Variants in YIPF7 observed in about 807,000 individuals in gnomAD.
The protein encoded by YIPF7 is protein YIPF7.
A neutral mutation model predicts 27.2 loss-of-function variants in YIPF7; 35 were observed. That is an observed-to-expected ratio of 1.29 (90% CI 0.98 to 1.70). YIPF7 has a LOEUF of 1.70. Ranked by LOEUF, YIPF7 falls within the 40% of genes most tolerant of loss-of-function variation. YIPF7 has a pLI of 0.00. For missense variants in YIPF7, 358 were observed against 303.7 expected, an observed-to-expected ratio of 1.18 and a Z score of -1.33; for synonymous variants, 137 against 110.4, an observed-to-expected ratio of 1.24 and a Z score of -1.51.
chr4:44,658,696 C>T (rs1221871529), intron 2 of YIPF7, among the ~76,000 whole-genome samples: 2 of 152,102 alleles, frequency 1.3e-5, no homozygotes, highest in Non-Finnish European at 2.9e-5. Flanking sequence ...AAGGCATACC[C>T]GAGACTGGGT....
At position 44,631,850 on chromosome 4, in the gene YIPF7, C is replaced by T. The variant is rs778972411; in HGVS notation, c.281-2302G>A. 3.9e-5 allele frequency among the ~76,000 whole-genome samples: 6 copies of T among 152,002 alleles called. 1 individual carries two copies. Among genetic ancestry groups the T allele is most frequent in the Non-Finnish European group, 7.4e-5 (5 of 67,982 alleles). On this transcript the variant is annotated intron_variant, in intron 3 of 5. Coordinates refer to ENST00000415895, the MANE Select transcript of YIPF7 (RefSeq NM_182592.3). The stretch of plus-strand genomic sequence containing the variant: ...ATTAATTTCACCAGAAATTTATGCG[C>T]TCAAACTTTATTTTTTAATTTTGGC...
intron 3 of YIPF7, among the ~76,000 whole-genome samples, chr4:44,634,397 G>C (rs750089340): frequency 6.6e-6 from 1 of 152,006 alleles, no homozygotes; most frequent in Non-Finnish European, 1.5e-5. Flanking sequence ...GCCATGCACG[G>C]TGGTGTGCAC....
At chr4:44,648,820 A>G (rs996107859) in intron 2 of YIPF7, among the ~76,000 whole-genome samples, 1 of 152,192 alleles carries the variant, frequency 6.6e-6, no homozygotes, top group African/African-American at 2.4e-5. Context: ...TAAGACAGTC[A>G]GAGAAGTTAA....
intron 3 of YIPF7, among the ~76,000 whole-genome samples, chr4:44,632,971 T>C: frequency 6.7e-6 from 1 of 148,198 alleles, no homozygotes; most frequent in South Asian, 2.2e-4. Context: ...AGGTGAGCAG[T>C]GGGCAGTGGG....
intron 3 of YIPF7, 108 bp from the exon 4 acceptor site, chr4:44,629,656 T>A: frequency 1.2e-6 from 1 of 823,912 alleles, no homozygotes; most frequent in Non-Finnish European, 1.7e-6. Flanking sequence ...CTTAGCATTT[T>A]AATCTGATTG....
upstream of YIPF7, among the ~76,000 whole-genome samples, chr4:44,654,029 TA>T (rs1186290646): frequency 3.9e-5 from 6 of 152,096 alleles, no homozygotes; most frequent in South Asian, 2.1e-4. Context: ...AAATGGCATA[TA>T]AAAAAATTAA....
intron 2 of YIPF7, among the ~76,000 whole-genome samples, chr4:44,647,586 G>GT (rs919472331): frequency 5.3e-5 from 8 of 151,652 alleles, no homozygotes; most frequent in South Asian, 2.1e-4. Context: ...ACATTTTCCT[G>GT]TTTTTTTTCA....
chr4:44,654,830 T>C (rs1713839091), upstream of YIPF7, among the ~76,000 whole-genome samples: 1 of 152,024 alleles, frequency 6.6e-6, no homozygotes, highest in Non-Finnish European at 1.5e-5. Context: ...ATCAGCCTGG[T>C]TGAAGTCACC....
At chr4:44,634,420 C>T (rs368374573) in intron 3 of YIPF7, among the ~76,000 whole-genome samples, 1 of 152,046 alleles carries the variant, frequency 6.6e-6, no homozygotes, top group African/African-American at 2.4e-5. Context: ...GTAGTCTCAA[C>T]TACTCAGGAG....
At position 44,622,589 on chromosome 4, in the gene YIPF7, C is replaced by G. The variant is rs1313900324; in HGVS notation, c.609-13G>C. Reference sequence around the variant, plus strand: ...TCCAAAGATGCCCCTGCAGCAAAGACAAAGAAATGATTGCCTGTGCCAGTA... The same window carrying G: ...TCCAAAGATGCCCCTGCAGCAAAGAGAAAGAAATGATTGCCTGTGCCAGTA... On this transcript the variant is annotated splice_polypyrimidine_tract_variant and intron_variant, in intron 5 of 5. Transcript: ENST00000415895. 1 of 1,611,374 alleles carries G rather than the reference C, an allele frequency of 6.2e-7. No individual in the cohort carries two copies. The highest frequency in any genetic ancestry group is 2.2e-5 in the East Asian group (1 of 44,828).
chr4:44,640,729 T>G (rs561210772), intron 2 of YIPF7, among the ~76,000 whole-genome samples: 1 of 152,136 alleles, frequency 6.6e-6, no homozygotes, highest in East Asian at 1.9e-4. Flanking sequence ...CTCATCCTGC[T>G]CAAGTAGGAG....
chr4:44,655,092 G>C (rs929814020), upstream of YIPF7, among the ~76,000 whole-genome samples: 5 of 152,098 alleles, frequency 3.3e-5, no homozygotes, highest in African/African-American at 1.2e-4. Flanking sequence ...TAGAGGCTGT[G>C]AGTTGCTCAA....
chr4:44,631,049 A>G (rs1712877037), intron 3 of YIPF7, among the ~76,000 whole-genome samples: 1 of 152,216 alleles, frequency 6.6e-6, no homozygotes, highest in Non-Finnish European at 1.5e-5. Flanking sequence ...GGTCTTATAA[A>G]TACACAATCA....
intron 2 of YIPF7, among the ~76,000 whole-genome samples, chr4:44,646,861 GATTATAACT>G (rs2109597626): frequency 6.6e-6 from 1 of 152,228 alleles, no homozygotes; most frequent in South Asian, 2.1e-4. Flanking sequence ...CTGAATGACT[GATTATAACT>G]ATTCTCTAGG....
intron 2 of YIPF7, among the ~76,000 whole-genome samples, chr4:44,637,756 C>G (rs758682256): frequency 7.2e-5 from 11 of 152,164 alleles, no homozygotes; most frequent in Non-Finnish European, 1.5e-4. Flanking sequence ...CCCATCCTTT[C>G]TCTCGAGTCC....
rs1712795720 is a variant in YIPF7 at position 44,629,419 on chromosome 4, C to A, written c.410G>T (p.Gly137Val). ...TGPILFCVAL[G>V]ATLLLAGKVQ... ...ACACATTACCAGAAGCAAGGTGGCT[C>A]CCAGGGCTACGCAAAAAAGAATGGG... is the stretch of plus-strand genomic sequence containing the variant. The change falls in exon 4 of 6, where the codon GGA (glycine) becomes GTA (valine). Residue 137 changes from glycine to valine, a missense_variant. Coordinates refer to ENST00000415895, the MANE Select transcript of YIPF7 (RefSeq NM_182592.3). The A allele has an allele frequency of 1.3e-6, 2 of 1,594,846 alleles. No individual in the cohort carries two copies. Among genetic ancestry groups the A allele is most frequent in the Non-Finnish European group, 1.7e-6 (2 of 1,170,916 alleles).
At chr4:44,657,658 G>A (rs563910019) in intron 2 of YIPF7, among the ~76,000 whole-genome samples, 18 of 152,100 alleles carry the variant, frequency 1.2e-4, no homozygotes, top group South Asian at 2.1e-4. Flanking sequence ...TCTTTCCGTC[G>A]TGCACCAGGA....
intron 2 of YIPF7, among the ~76,000 whole-genome samples, chr4:44,638,302 G>A (rs1713208853): frequency 6.6e-6 from 1 of 150,884 alleles, no homozygotes; most frequent in East Asian, 2.0e-4. Flanking sequence ...GCCAGATGGA[G>A]CTGGACTAGG....
At chr4:44,625,494 G>A (rs1020255422) in intron 4 of YIPF7, among the ~76,000 whole-genome samples, 13 of 152,084 alleles carry the variant, frequency 8.5e-5, no homozygotes, top group African/African-American at 3.1e-4. Flanking sequence ...GCATTTAGTT[G>A]ACCACAGAAT....
Sources: gnomAD v4.1 joint callset for allele counts (sites outside exome capture counted in the v4.1 genomes callset) on GRCh38, gnomAD v4.1.1 for gene constraint, MANE v1.5 for transcripts, NCBI Gene and HGNC (gene_info 2026-07-23, HGNC 2026-07-21) for gene names.